Variants in KIAA1671 observed in about 807,000 individuals in gnomAD.
KIAA1671 encodes the protein KIAA1671, also known as uncharacterized protein KIAA1671.
In KIAA1671, 52 loss-of-function variants were observed where a neutral mutation model predicts 131.2. The ratio of observed to expected loss-of-function variants is 0.40; its 90% confidence interval spans 0.32 to 0.50. The LOEUF is 0.50. Ranked by LOEUF, KIAA1671 falls within the 20% of genes least tolerant of loss-of-function variation. KIAA1671 has a pLI of 0.73. For missense variants in KIAA1671, 2,360 were observed against 2,364.2 expected, an observed-to-expected ratio of 1.00 and a Z score of 0.04; for synonymous variants, 1,003 against 961.6, an observed-to-expected ratio of 1.04 and a Z score of -0.80.
At position 25,028,021 on chromosome 22, in the gene KIAA1671, G is replaced by A; in HGVS notation, c.22G>A (p.Gly8Ser). 6.6e-7 allele frequency: 1 copy of A among 1,504,658 alleles called. No homozygotes were observed. Among genetic ancestry groups the A allele is most frequent in the Non-Finnish European group, 8.9e-7 (1 of 1,122,686 alleles). 93.2% of individuals were successfully genotyped at this position (1,504,658 alleles called of 1,614,324 possible). Residue 8 changes from glycine (G) to serine (S), a missense_variant, in exon 3 of 13, where the codon GGC becomes AGC. Physicochemically the swap from Gly to Ser is moderately conservative, Grantham distance 56. Around this residue, in one of 3 missense-constraint regions of KIAA1671, gnomAD observed 1,185 missense variants for 1,126.2 expected, o/e 1.05. Transcript: ENST00000358431. MATRVEV[G>S]SITPLTAVPG... ...AACCATGGCCACGCGGGTCGAGGTG[G>A]GCTCCATAACGCCCTTGACGGCCGT... is the stretch of plus-strand genomic sequence containing the variant.
At chr22:25,032,743 TATGGCTGCTGGAGA>T in intron 4 of KIAA1671, 47 bp downstream of exon 4, 1 of 1,238,328 alleles carries the variant, frequency 8.1e-7, no homozygotes, top group Non-Finnish European at 1.1e-6. Flanking sequence ...AGCGGGCAGT[TATGGCTGCTGGAGA>T]AAGAGCCTCC....
Position 25,039,623 on chromosome 22 carries a change from C to G in KIAA1671, c.2493C>G (p.His831Gln). 6.5e-7 allele frequency: 1 copy of G among 1,549,824 alleles called. No individual in the cohort carries two copies. Among genetic ancestry groups the G allele is most frequent in the Middle Eastern group, 1.7e-4 (1 of 5,990 alleles). ...CAGGCGGGGCAGTGGTGAGCTCGCA[C>G]AAAGCCACCGTGGCAGTCAGCGAAG... is the stretch of plus-strand genomic sequence containing the variant. ...KWTGGAVVSSHKATVAVSEEH... is the reference protein window; with the variant it reads ...KWTGGAVVSSQKATVAVSEEH... The change falls in exon 5 of 13, where the codon CAC (histidine) becomes CAG (glutamine). Residue 831 changes from histidine (H) to glutamine (Q), a missense_variant. By Grantham distance (24) the His-to-Gln change is conservative. This residue lies in a region of KIAA1671 where 1,185 missense variants were observed against 1,126.2 expected (regional missense o/e 1.05). Coordinates refer to ENST00000358431, the MANE Select transcript of KIAA1671 (RefSeq NM_001145206.2).
At chr22:24,956,294 G>T (rs1043152892) in intron 1 of KIAA1671, among the ~76,000 whole-genome samples, 3 of 152,214 alleles carry the variant, frequency 2.0e-5, no homozygotes, top group African/African-American at 7.2e-5. Context: ...CCCTGTGCCT[G>T]TTCAGGGGTA....
intron 1 of KIAA1671, among the ~76,000 whole-genome samples, chr22:24,958,253 C>G (rs1176701540): frequency 6.6e-6 from 1 of 152,126 alleles, no homozygotes; most frequent in Non-Finnish European, 1.5e-5. Flanking sequence ...AGCACAGTGG[C>G]TCCTGTCTGT....
intron 1 of KIAA1671, among the ~76,000 whole-genome samples, chr22:24,984,224 A>G (rs928970946): frequency 3.3e-5 from 5 of 152,066 alleles, no homozygotes; most frequent in African/African-American, 9.7e-5. Flanking sequence ...CCCCAAGCAC[A>G]CTGACATCCC....
At chr22:25,086,925 C>G (rs1568947308) in intron 6 of KIAA1671, among the ~76,000 whole-genome samples, 1 of 152,186 alleles carries the variant, frequency 6.6e-6, no homozygotes, top group Non-Finnish European at 1.5e-5. Flanking sequence ...TACTCACAGC[C>G]AGCCTAAAGT....
chr22:25,174,147 C>A, intron 7 of KIAA1671, 93 bp from the exon 8 acceptor site: 1 of 1,380,958 alleles, frequency 7.2e-7, no homozygotes. Context: ...AAACATAACC[C>A]AAGCTATGCT....
Position 25,184,932 on chromosome 22 carries a change from CCAGA to C in KIAA1671, c.5200-42_5200-39del, listed in dbSNP as rs565196980. 105 of 1,549,284 alleles carry C rather than the reference CCAGA, an allele frequency of 6.8e-5. No individual in the cohort carries two copies. In the African/African-American group the frequency reaches 1.3e-3, roughly 19 times the overall value. ...CATTTGCATGGGAGGGGGCCCTTCC[CCAGA>C]CAAAGGGCAGCTTATAGACTCAGCT... is the stretch of plus-strand genomic sequence containing the variant. On this transcript the variant is annotated intron_variant, in intron 10 of 12. Coordinates refer to ENST00000358431, the MANE Select transcript of KIAA1671 (RefSeq NM_001145206.2).
At position 25,039,765 on chromosome 22, in the gene KIAA1671, C is replaced by T. The variant is rs1926810511; in HGVS notation, c.2635C>T (p.Pro879Ser). Reference sequence around the variant, plus strand: ...GCCAGGAGTGGGAGCAAGGGGCCCACCCCAGGGATGCCCCCTCGATCCTCT... The same window carrying T: ...GCCAGGAGTGGGAGCAAGGGGCCCATCCCAGGGATGCCCCCTCGATCCTCT... Reference protein sequence around the residue: ...SKPGVGARGPPQGCPLDPLSR... With the variant: ...SKPGVGARGPSQGCPLDPLSR... Residue 879 changes from proline (P) to serine (S), a missense_variant, in exon 5 of 13, where the codon CCC becomes TCC. Coordinates refer to ENST00000358431, the MANE Select transcript of KIAA1671 (RefSeq NM_001145206.2). 2 of 1,500,364 alleles carry T rather than the reference C, an allele frequency of 1.3e-6. No individual in the cohort carries two copies. The highest frequency in any genetic ancestry group is 1.4e-5 in the African/African-American group (1 of 71,858). The allele number at this position is 1,500,364 out of a possible 1,614,324, so 92.9% of individuals were successfully genotyped here.
intron 6 of KIAA1671, among the ~76,000 whole-genome samples, chr22:25,152,555 C>T (rs1212094698): frequency 6.6e-6 from 1 of 152,194 alleles, no homozygotes; most frequent in Non-Finnish European, 1.5e-5. Flanking sequence ...GGTTTGCAGT[C>T]CCCAATCCAC....
rs554864755 is a variant in KIAA1671, at chr22:25,142,060, A to G, written c.4531-28760A>G. On this transcript the variant is annotated intron_variant, in intron 6 of 12. Coordinates refer to ENST00000358431, the MANE Select transcript of KIAA1671 (RefSeq NM_001145206.2). Reference sequence around the variant, plus strand: ...TTATAAGCCATGAGACACCACCAAAATGGTTGCTTGTTCAAGATTAAGAAT... The same window carrying G: ...TTATAAGCCATGAGACACCACCAAAGTGGTTGCTTGTTCAAGATTAAGAAT... 3.3e-5 allele frequency among the ~76,000 whole-genome samples: 5 copies of G among 152,294 alleles called. No homozygotes were observed. The South Asian group carries it at 1.0e-3, about 32-fold the overall frequency.
intron 6 of KIAA1671, among the ~76,000 whole-genome samples, chr22:25,116,191 AC>A (rs1931649620): frequency 6.6e-6 from 1 of 151,490 alleles, no homozygotes; most frequent in South Asian, 2.1e-4. Flanking sequence ...CCATCCTCTC[AC>A]CTCTGGAATA....
chr22:25,150,836 C>CTTTTTTTTTTTTT (rs1324671566), intron 6 of KIAA1671, among the ~76,000 whole-genome samples: 1,567 of 125,602 alleles, frequency 0.012, 96 homozygotes, highest in Middle Eastern at 0.023. Flanking sequence ...GGGTCCTTTG[C>CTTTTTTTTTTTTT]TTTTTTTTTT....
intron 6 of KIAA1671, chr22:25,050,715 C>T (rs1457760441): frequency 6.6e-6 from 1 of 152,262 alleles, no homozygotes; most frequent in South Asian, 2.1e-4. Context: ...GAACTCAGAT[C>T]CCAGCTAGGT....
At chr22:24,979,329 ATTTAT>A (rs1425595209) in intron 1 of KIAA1671, among the ~76,000 whole-genome samples, 1 of 138,170 alleles carries the variant, frequency 7.2e-6, no homozygotes, top group Admixed American at 7.4e-5. Context: ...CATCTTAATA[ATTTAT>A]TTTATTTATT....
intron 1 of KIAA1671, among the ~76,000 whole-genome samples, chr22:24,960,558 A>G (rs1921962022): frequency 6.6e-6 from 1 of 151,488 alleles, no homozygotes; most frequent in African/African-American, 2.4e-5. Flanking sequence ...AAAAAAAAAA[A>G]AAAAAAGAAA....
chr22:25,133,904 C>G (rs1003194190), intron 6 of KIAA1671, among the ~76,000 whole-genome samples: 4 of 152,248 alleles, frequency 2.6e-5, no homozygotes, highest in Non-Finnish European at 5.9e-5. Context: ...TATACATCAC[C>G]CTCAGTCTAG....
At chr22:25,001,197 GTGTA>G (rs1267358102) in intron 1 of KIAA1671, among the ~76,000 whole-genome samples, 1 of 103,912 alleles carries the variant, frequency 9.6e-6, no homozygotes, top group Non-Finnish European at 2.0e-5. Context: ...GTATATATGT[GTGTA>G]TGTGTATGTA....
At position 25,003,400 on chromosome 22, in the gene KIAA1671, A is replaced by ATTT. The variant is rs71191013; in HGVS notation, c.-207-22206_-207-22204dup. ...GCCTTATCTCCTTTCACTTGGAGAGATTTTTTTTTTTTTTTTTTTTTTTTT... is the reference window on the plus strand; with the variant it reads ...GCCTTATCTCCTTTCACTTGGAGAGATTTTTTTTTTTTTTTTTTTTTTTTTTTT... On this transcript the variant is annotated intron_variant, in intron 1 of 12. Coordinates refer to ENST00000358431, the MANE Select transcript of KIAA1671 (RefSeq NM_001145206.2). Among the ~76,000 whole-genome samples, 36 of 113,840 alleles carry ATTT rather than the reference A, an allele frequency of 3.2e-4. 1 individual carries two copies. Among genetic ancestry groups the ATTT allele is most frequent in the African/African-American group, 8.8e-4 (21 of 23,814 alleles). The allele number at this position is 113,840 out of a possible 152,430, so 74.7% of individuals were successfully genotyped here. A position where few individuals can be genotyped will look rare whatever the true frequency, so the allele number is the denominator to read the frequency against.
Sources: gnomAD v4.1 joint callset for allele counts (sites outside exome capture counted in the v4.1 genomes callset) on GRCh38, gnomAD v4.1.1 for gene constraint, gnomAD v4.1.1 regional missense constraint, MANE v1.5 for transcripts, NCBI Gene and HGNC (gene_info 2026-07-23, HGNC 2026-07-21) for gene names.